The following KCNK12 variants were observed in gnomAD, a reference collection of about 807,000 sequenced individuals.
KCNK12 encodes the protein potassium channel subfamily K member 12.
In KCNK12, 6 loss-of-function variants were observed where a neutral mutation model predicts 25.3. That is an observed-to-expected ratio of 0.24 (90% CI 0.13 to 0.47). KCNK12 has a LOEUF of 0.47. KCNK12 is among the 20% of genes least tolerant of loss of function. KCNK12 has a pLI of 0.99. For synonymous variants in KCNK12, 331 were observed against 311.1 expected, an observed-to-expected ratio of 1.06 and a Z score of -0.67; for missense variants, 444 against 661.7, an observed-to-expected ratio of 0.67 and a Z score of 3.61.
chr2:47,562,916 T>A lies in KCNK12; in HGVS notation c.391+7025A>T, dbSNP rs2104890615. ...TCCACACACTTTCCGGATTGCTGGC[T>A]GGTGGCCCCATGCAGAGCCCCCGAC... is the stretch of plus-strand genomic sequence containing the variant. On this transcript the variant is annotated intron_variant, in intron 1 of 1. Coordinates refer to ENST00000327876, the MANE Select transcript of KCNK12 (RefSeq NM_022055.2). This position sits in a 1 kb window ranked among gnomAD's most constrained non-coding sequence, Gnocchi z 4.8. 8.6e-6 allele frequency: 2 copies of A among 233,398 alleles called. No individual in the cohort carries two copies. Among genetic ancestry groups the A allele is most frequent in the East Asian group, 1.2e-4 (2 of 16,586 alleles). 14.5% of individuals were successfully genotyped at this position (233,398 alleles called of 1,614,324 possible).
chr2:47,542,710 G>A (rs7572456), intron 1 of KCNK12, among the ~76,000 whole-genome samples: 59,407 of 151,956 alleles, frequency 0.39, 11,986 homozygotes, highest in East Asian at 0.66. Context: ...CAGGGATGGC[G>A]CGAGGTGAGA....
intron 1 of KCNK12, chr2:47,534,875 G>A (rs1235537544): frequency 1.5e-5 from 3 of 201,760 alleles, no homozygotes; most frequent in Admixed American, 6.0e-5. Flanking sequence ...CACACAGGAG[G>A]AGATTTTAAA....
At chr2:47,550,860 A>G (rs1362911915) in intron 1 of KCNK12, among the ~76,000 whole-genome samples, 1 of 152,002 alleles carries the variant, frequency 6.6e-6, no homozygotes, top group East Asian at 1.9e-4. Context: ...AATCATCATC[A>G]TCTCTCACCT....
At position 47,569,659 on chromosome 2, in the gene KCNK12, A is replaced by C. The variant is rs1339045361; in HGVS notation, c.391+282T>G. Among the ~76,000 whole-genome samples the C allele has an allele frequency of 6.6e-6, 1 of 152,166 alleles. No individual in the cohort carries two copies. The highest frequency in any genetic ancestry group is 1.5e-5 in the Non-Finnish European group (1 of 68,028). ...CCTTGGCACGTATTCTTAGAGGAGA[A>C]AACGGAGGCTCACAAAGGTCAGATC... On this transcript the variant is annotated intron_variant, in intron 1 of 1. Transcript: ENST00000327876. This position sits in a 1 kb window ranked among gnomAD's most constrained non-coding sequence, Gnocchi z 4.1.
chr2:47,553,719 A>G (rs1431489989), intron 1 of KCNK12, among the ~76,000 whole-genome samples: 1 of 152,204 alleles, frequency 6.6e-6, no homozygotes, highest in East Asian at 1.9e-4. Flanking sequence ...TTGCCCCCAT[A>G]CCAAGTTTAA....
At position 47,565,064 on chromosome 2, in the gene KCNK12, G is replaced by A. The variant is rs559409291; in HGVS notation, c.391+4877C>T. On this transcript the variant is annotated intron_variant, in intron 1 of 1. Transcript: ENST00000327876. This position sits in a 1 kb window ranked among gnomAD's most constrained non-coding sequence, Gnocchi z 5.0. ...TGCCTGTGATCCCAGCTTCTTGGGA[G>A]GCTGCGGTGGAAAGATTGCTTGTGC... 6.6e-6 allele frequency: 1 copy of A among 152,076 alleles called. No individual in the cohort carries two copies. The highest frequency in any genetic ancestry group is 2.4e-5 in the African/African-American group (1 of 41,396). The allele number at this position is 152,076 out of a possible 1,614,324, so 9.4% of individuals were successfully genotyped here.
At chr2:47,549,028 G>T (rs760657339) in intron 1 of KCNK12, among the ~76,000 whole-genome samples, 41 of 152,192 alleles carry the variant, frequency 2.7e-4, no homozygotes, top group Non-Finnish European at 5.3e-4. Context: ...AACAATCTGT[G>T]CAGGTACAGG....
At chr2:47,559,468 T>C (rs1423276200) in intron 1 of KCNK12, among the ~76,000 whole-genome samples, 1 of 152,220 alleles carries the variant, frequency 6.6e-6, no homozygotes, top group African/African-American at 2.4e-5. Context: ...CCACTCAACA[T>C]ATGTTGATTA....
At chr2:47,537,381 A>G (rs1669096590) in intron 1 of KCNK12, among the ~76,000 whole-genome samples, 1 of 149,466 alleles carries the variant, frequency 6.7e-6, no homozygotes, top group Non-Finnish European at 1.5e-5. Context: ...CCCAGGCTGG[A>G]GTGCACTGGC....
In KCNK12 at chr2:47,570,434, G is replaced by C; in HGVS notation, c.-103C>G. 8.7e-7 allele frequency: 1 copy of C among 1,152,710 alleles called. No individual in the cohort carries two copies. Among genetic ancestry groups the C allele is most frequent in the Non-Finnish European group, 1.1e-6 (1 of 927,060 alleles). 71.4% of individuals were successfully genotyped at this position (1,152,710 alleles called of 1,614,324 possible). On this transcript the variant is annotated 5_prime_UTR_variant, in exon 1 of 2. Transcript: ENST00000327876. ...TGAGGATGGTGGCCAGGGGTCCGGG[G>C]CCGCCGCGGAGCCCCTCGCCGCCTT...
chr2:47,520,997 G>C lies in KCNK12; in HGVS notation c.1203C>G (p.Cys401Trp). ...ETANGYPRSVCVNTRQNGFSG... is the reference protein window; with the variant it reads ...ETANGYPRSVWVNTRQNGFSG... ...AGAAGCCGTTCTGGCGCGTGTTGAC[G>C]CACACGCTGCGCGGGTAGCCGTTGG... is the stretch of plus-strand genomic sequence containing the variant. The change falls in exon 2 of 2, where the codon TGC becomes TGG. Residue 401 changes from cysteine (C) to tryptophan (W), a missense_variant. Cys to Trp is a radical substitution (Grantham distance 215). Around this residue, in one of 8 missense-constraint regions of KCNK12, gnomAD observed 57 missense variants for 68.9 expected, o/e 0.83. Transcript: ENST00000327876. The surrounding 1 kb of genome is among the most constrained non-coding windows in gnomAD (Gnocchi z 5.0). 1 of 1,366,114 alleles carries C rather than the reference G, an allele frequency of 7.3e-7. No homozygotes were observed. The highest frequency in any genetic ancestry group is 9.5e-7 in the Non-Finnish European group (1 of 1,056,312). The allele number at this position is 1,366,114 out of a possible 1,614,324, so 84.6% of individuals were successfully genotyped here. A position where few individuals can be genotyped will look rare whatever the true frequency, so the allele number is the denominator to read the frequency against.
chr2:47,530,822 C>T (rs1351208440), intron 1 of KCNK12, among the ~76,000 whole-genome samples: 1 of 152,034 alleles, frequency 6.6e-6, no homozygotes, highest in East Asian at 1.9e-4. Context: ...GATTATTGTC[C>T]CCAGTTGTGA....
In KCNK12 at chr2:47,511,897, G is replaced by A. The variant is rs903893818; in HGVS notation, c.*9010C>T. Among the ~76,000 whole-genome samples, 9 of 152,216 alleles carry A rather than the reference G, an allele frequency of 5.9e-5. No homozygotes were observed. The highest frequency in any genetic ancestry group is 1.3e-4 in the Non-Finnish European group (9 of 68,042). Reference sequence around the variant, plus strand: ...CACTTGAAATGGGGTTAGTGCAATTGACGAGCTGAAAATGTAGTTTAAATT... The same window carrying A: ...CACTTGAAATGGGGTTAGTGCAATTAACGAGCTGAAAATGTAGTTTAAATT... On this transcript the variant is annotated 3_prime_UTR_variant, in exon 2 of 2. Coordinates refer to ENST00000327876, the MANE Select transcript of KCNK12 (RefSeq NM_022055.2). The surrounding 1 kb of genome is among the most constrained non-coding windows in gnomAD (Gnocchi z 4.3).
chr2:47,530,203 AG>A (rs1668887627), intron 1 of KCNK12, among the ~76,000 whole-genome samples: 1 of 151,992 alleles, frequency 6.6e-6, no homozygotes, highest in African/African-American at 2.4e-5. Flanking sequence ...GAGATGGGGG[AG>A]GGCTGTGGGA....
In KCNK12 at chr2:47,519,057, C is replaced by G. The variant is rs909078292; in HGVS notation, c.*1850G>C. On this transcript the variant is annotated 3_prime_UTR_variant, in exon 2 of 2. Transcript: ENST00000327876. ...GTGAATCCTGAAAGCATGGTTTTCACAGGAACCCACCTTCAGGATTTAGCA... is the reference window on the plus strand; with the variant it reads ...GTGAATCCTGAAAGCATGGTTTTCAGAGGAACCCACCTTCAGGATTTAGCA... 1.3e-5 allele frequency: 2 copies of G among 152,226 alleles called. No homozygotes were observed. Among genetic ancestry groups the G allele is most frequent in the African/African-American group, 4.8e-5 (2 of 41,460 alleles). 9.4% of individuals were successfully genotyped at this position (152,226 alleles called of 1,614,324 possible).
intron 1 of KCNK12, among the ~76,000 whole-genome samples, chr2:47,539,157 A>G (rs1669139754): frequency 6.6e-6 from 1 of 152,230 alleles, no homozygotes; most frequent in South Asian, 2.1e-4. Flanking sequence ...TTTTGTAGAC[A>G]GGGAAACTGA....
Position 47,528,205 on chromosome 2 carries a change from C to T in KCNK12, c.392-6397G>A, listed in dbSNP as rs1663465177. On this transcript the variant is annotated intron_variant, in intron 1 of 1. Coordinates refer to ENST00000327876, the MANE Select transcript of KCNK12 (RefSeq NM_022055.2). The surrounding 1 kb of genome is among the most constrained non-coding windows in gnomAD (Gnocchi z 4.5). The stretch of plus-strand genomic sequence containing the variant: ...GAAGGGACAGGTGAGGCAGAAGGGT[C>T]TCCGACAGCGCACAGGGCAACCAGT... The T allele has an allele frequency of 6.6e-6, 1 of 152,324 alleles. No individual in the cohort carries two copies. The allele number at this position is 152,324 out of a possible 1,614,324, so 9.4% of individuals were successfully genotyped here. A position where few individuals can be genotyped will look rare whatever the true frequency, so the allele number is the denominator to read the frequency against.
chr2:47,570,003 A>C lies in KCNK12; in HGVS notation c.329T>G (p.Leu110Arg). 5 of 1,435,090 alleles carry C rather than the reference A, an allele frequency of 3.5e-6. No homozygotes were observed. Among genetic ancestry groups the C allele is most frequent in the Non-Finnish European group, 4.6e-6 (5 of 1,093,638 alleles). The allele number at this position is 1,435,090 out of a possible 1,614,324, so 88.9% of individuals were successfully genotyped here. A position where few individuals can be genotyped will look rare whatever the true frequency, so the allele number is the denominator to read the frequency against. Residue 110 changes from leucine (L) to arginine (R), a missense_variant, in exon 1 of 2, where the codon CTG becomes CGG. Leu to Arg is a moderately radical substitution (Grantham distance 102). Coordinates refer to ENST00000327876, the MANE Select transcript of KCNK12 (RefSeq NM_022055.2). ...ALAAGVRADA[L>R]RPRWDFPGAF... ...GCCGGGGAAGTCCCAGCGCGGGCGCAGCGCGTCGGCGCGGACGCCGGCGGC... is the reference window on the plus strand; with the variant it reads ...GCCGGGGAAGTCCCAGCGCGGGCGCCGCGCGTCGGCGCGGACGCCGGCGGC...
intron 1 of KCNK12, chr2:47,567,225 C>G (rs1000788742): frequency 6.6e-6 from 1 of 152,130 alleles, no homozygotes; most frequent in African/African-American, 2.4e-5. Context: ...ACTGTATGAA[C>G]CATATACACT....
Sources: allele counts gnomAD v4.1 joint callset (sites outside exome capture counted in the v4.1 genomes callset), GRCh38; gene constraint gnomAD v4.1.1; regional missense constraint gnomAD v4.1.1; non-coding constraint Gnocchi (gnomAD v3.1); transcripts MANE v1.5; gene names NCBI Gene and HGNC (gene_info 2026-07-23, HGNC 2026-07-21).